The following CSMD1 variants were observed in gnomAD, a reference collection of about 807,000 sequenced individuals.
The protein encoded by CSMD1 is CUB and Sushi multiple domains 1.
CSMD1 carries 213 observed loss-of-function variants against 417.5 expected under a neutral mutation model. The ratio of observed to expected loss-of-function variants is 0.51; its 90% CI spans 0.46 to 0.57. CSMD1 has a LOEUF of 0.57. CSMD1 is among the 20% of genes least tolerant of loss of function. The pLI is 0.00. For synonymous variants in CSMD1, 2,862 were observed against 1,736.8 expected, an observed-to-expected ratio of 1.65 and a Z score of -16.11; for missense variants, 6,923 against 4,529.7, an observed-to-expected ratio of 1.53 and a Z score of -15.17.
At chr8:3,511,657 C>T (rs1025481272) in intron 10 of CSMD1, among the ~76,000 whole-genome samples, 1 of 151,496 alleles carries the variant, frequency 6.6e-6, no homozygotes, top group African/African-American at 2.4e-5. Context: ...ACTCAGGAGG[C>T]AAAGGCAGGA....
At chr8:4,032,264 G>C (rs957362556) in intron 3 of CSMD1, among the ~76,000 whole-genome samples, 165 bp from the exon 4 acceptor site, 1 of 152,254 alleles carries the variant, frequency 6.6e-6, no homozygotes, top group South Asian at 2.1e-4. Flanking sequence ...AATGTCTTCA[G>C]GTTTTAGAAT....
intron 1 of CSMD1, among the ~76,000 whole-genome samples, chr8:4,718,624 T>A (rs997116788): frequency 6.6e-6 from 1 of 152,050 alleles, no homozygotes; most frequent in Non-Finnish European, 1.5e-5. Flanking sequence ...TTGATATTAT[T>A]TTAAACTGGA....
At chr8:4,364,957 G>C (rs1189627215) in intron 3 of CSMD1, among the ~76,000 whole-genome samples, 1 of 151,090 alleles carries the variant, frequency 6.6e-6, no homozygotes, top group African/African-American at 2.4e-5. Flanking sequence ...AAACGTGCAA[G>C]GGATTTAATA....
intron 1 of CSMD1, among the ~76,000 whole-genome samples, chr8:4,699,741 C>G (rs948305775): frequency 7.2e-5 from 11 of 152,144 alleles, no homozygotes; most frequent in Non-Finnish European, 1.3e-4. Flanking sequence ...TACTGTGATT[C>G]ATGGAAAGCA....
Position 3,484,662 on chromosome 8 carries a change from T to G in CSMD1, c.1448+8961A>C, listed in dbSNP as rs1387918115. Among the ~76,000 whole-genome samples the G allele has an allele frequency of 2.0e-5, 3 of 152,124 alleles. No individual in the cohort carries two copies. The East Asian group carries it at 5.8e-4, about 29-fold the overall frequency. On this transcript the variant is annotated intron_variant, in intron 11 of 69. Coordinates refer to ENST00000635120, the MANE Select transcript of CSMD1 (RefSeq NM_033225.6). ...GAAAGTGAAAAGACAAGCCGCAGAC[T>G]GAGAAAAAATAGCTGCAAACCATGT...
rs182338420 is a variant in CSMD1, at chr8:3,368,531, G to A, written c.2899+723C>T. Reference sequence around the variant, plus strand: ...ATTTTGTATTTTTAGTAGAGACAAGGTTCCACCATATTGGCTAGTCTGGTC... The same window carrying A: ...ATTTTGTATTTTTAGTAGAGACAAGATTCCACCATATTGGCTAGTCTGGTC... On this transcript the variant is annotated intron_variant, in intron 19 of 69. Transcript: ENST00000635120. Among the ~76,000 whole-genome samples the A allele has an allele frequency of 1.2e-3, 182 of 152,198 alleles. No homozygotes were observed. In the Middle Eastern group the frequency reaches 0.034, roughly 28 times the overall value.
intron 4 of CSMD1, among the ~76,000 whole-genome samples, chr8:4,005,389 G>C (rs1209488663): frequency 6.6e-6 from 1 of 152,160 alleles, no homozygotes; most frequent in African/African-American, 2.4e-5. Context: ...AGACACACGT[G>C]GCCGGGTGGT....
intron 1 of CSMD1, among the ~76,000 whole-genome samples, chr8:4,783,891 A>G (rs1797277618): frequency 1.3e-5 from 2 of 152,164 alleles, no homozygotes; most frequent in South Asian, 2.1e-4. Context: ...TTTGTGACAT[A>G]TTTCCACACA....
chr8:3,517,498 A>G (rs543651525), intron 10 of CSMD1, among the ~76,000 whole-genome samples: 9 of 152,206 alleles, frequency 5.9e-5, no homozygotes, highest in Non-Finnish European at 1.2e-4. Context: ...GATAAAAAAT[A>G]CTTAGAAAAT....
Position 2,965,794 on chromosome 8 carries a change from C to T in CSMD1, c.9261G>A (p.Pro3087=), listed in dbSNP as rs865884702. The T allele has an allele frequency of 3.9e-5, 62 of 1,607,442 alleles. No individual in the cohort carries two copies. The highest frequency in any genetic ancestry group is 5.0e-5 in the Non-Finnish European group (59 of 1,176,862). ...IRCTKDGRWN[P]SKPVCKAVLC... Reference sequence around the variant, plus strand: ...ACAAACCTTTGCAGACAGGTTTGCTCGGATTCCACCTGCCGTCTTTGGTAC... The same window carrying T: ...ACAAACCTTTGCAGACAGGTTTGCTTGGATTCCACCTGCCGTCTTTGGTAC... Residue 3087 remains proline (P), a synonymous_variant, in exon 59 of 70, where the codon CCG becomes CCA. Coordinates refer to ENST00000635120, the MANE Select transcript of CSMD1 (RefSeq NM_033225.6).
Position 3,754,014 on chromosome 8 carries a change from C to T in CSMD1, c.847G>A (p.Val283Ile), listed in dbSNP as rs199930890. 3 of 1,612,514 alleles carry T rather than the reference C, an allele frequency of 1.9e-6. No individual in the cohort carries two copies. The highest frequency in any genetic ancestry group is 1.7e-5 in the Admixed American group (1 of 59,914). ...WLTGMNLPSP[V>I]ISSKNWLRLH... ...CGTAGCCAATTCTTGCTACTGATAA[C>T]TGGAGAGGGGAGGTTCATGCCAGTT... The change falls in exon 6 of 70, where the codon GTT becomes ATT. Residue 283 changes from valine (V) to isoleucine (I), a missense_variant. Physicochemically the swap from Val to Ile is conservative, Grantham distance 29 (BLOSUM62 3). Coordinates refer to ENST00000635120, the MANE Select transcript of CSMD1 (RefSeq NM_033225.6).
intron 1 of CSMD1, among the ~76,000 whole-genome samples, chr8:4,913,128 A>G (rs1035087865): frequency 2.0e-5 from 3 of 152,178 alleles, no homozygotes; most frequent in African/African-American, 7.2e-5. Context: ...GGGATCACAG[A>G]TCAAAGCAGA....
chr8:4,068,356 G>T (rs914687669), intron 3 of CSMD1, among the ~76,000 whole-genome samples: 1 of 152,120 alleles, frequency 6.6e-6, no homozygotes, highest in Non-Finnish European at 1.5e-5. Context: ...AAGCAGAGAG[G>T]GGATCTTATT....
intron 3 of CSMD1, among the ~76,000 whole-genome samples, chr8:4,077,519 C>T (rs1279031111): frequency 6.6e-6 from 1 of 151,584 alleles, no homozygotes; most frequent in African/African-American, 2.4e-5. Flanking sequence ...ACTTTTTTAC[C>T]ATCACACTGA....
chr8:3,195,219 A>G (rs761239872), intron 33 of CSMD1, among the ~76,000 whole-genome samples: 1 of 152,190 alleles, frequency 6.6e-6, no homozygotes, highest in Non-Finnish European at 1.5e-5. Context: ...TTACTGAGAC[A>G]CAGTCAATCA....
intron 5 of CSMD1, among the ~76,000 whole-genome samples, chr8:3,979,957 C>G (rs1813727739): frequency 6.6e-6 from 1 of 152,224 alleles, no homozygotes; most frequent in Admixed American, 6.5e-5. Context: ...CTTCAGCCAA[C>G]ACTGCCAAAG....
At chr8:3,319,903 TA>T (rs977642290) in intron 23 of CSMD1, among the ~76,000 whole-genome samples, 122 of 152,276 alleles carry the variant, frequency 8.0e-4, no homozygotes, top group Admixed American at 1.6e-3. Flanking sequence ...GATGACTCAT[TA>T]AAAAAACTTT....
chr8:3,461,633 C>T (rs1363093387), intron 12 of CSMD1, among the ~76,000 whole-genome samples: 1 of 152,204 alleles, frequency 6.6e-6, no homozygotes, highest in Admixed American at 6.5e-5. Context: ...ATCCCTGTGG[C>T]CCAGCATCTT....
chr8:4,962,635 C>A (rs1268994272), intron 1 of CSMD1, among the ~76,000 whole-genome samples: 1 of 152,104 alleles, frequency 6.6e-6, no homozygotes, highest in Admixed American at 6.6e-5. Context: ...AATTTCTCTG[C>A]CATCACTTCA....
Sources: gnomAD v4.1 joint callset for allele counts (sites outside exome capture counted in the v4.1 genomes callset) on GRCh38, gnomAD v4.1.1 for gene constraint, MANE v1.5 for transcripts, NCBI Gene and HGNC (gene_info 2026-07-23, HGNC 2026-07-21) for gene names.